DAB2: variants seen among roughly 807,000 people sequenced by gnomAD.
DAB2 encodes disabled homolog 2.
Under a neutral mutation model 71.6 loss-of-function variants are expected in DAB2, and 28 were observed. The ratio of observed to expected loss-of-function variants is 0.39; its 90% confidence interval spans 0.29 to 0.54. The LOEUF is 0.54. Among genes scored for constraint, DAB2 ranks in the 20% least tolerant of loss-of-function variants. DAB2 has a pLI of 0.68. For synonymous variants in DAB2, 345 were observed against 339.7 expected (o/e 1.02, Z -0.17); for missense variants, 867 against 928.8 (o/e 0.93, Z 0.86).
chr5:39,380,677 A>G (rs1008544445), intron 11 of DAB2, among the ~76,000 whole-genome samples: 4 of 152,224 alleles, frequency 2.6e-5, no homozygotes, highest in East Asian at 1.9e-4. Context: ...GGACTTTCCC[A>G]CTGTCCTACC....
rs1217644624 is a variant in DAB2 at position 39,393,210 on chromosome 5, G to T, written c.231+44C>A. 4 of 1,589,954 alleles carry T rather than the reference G, an allele frequency of 2.5e-6. No homozygotes were observed. In the East Asian group the frequency reaches 6.7e-5, roughly 27 times the overall value. ...GCTTCTAATATAATTCCCTCTCTTG[G>T]ACTTTTGCTTAATATACAGATAAAG... is the stretch of plus-strand genomic sequence containing the variant. On this transcript the variant is annotated intron_variant, in intron 3 of 14. Coordinates refer to ENST00000320816, the MANE Select transcript of DAB2 (RefSeq NM_001343.4).
chr5:39,373,480 T>G (rs2112015003), intron 14 of DAB2, 55 bp from the exon 15 acceptor site: 1 of 152,484 alleles, frequency 6.6e-6, no homozygotes, highest in African/African-American at 2.4e-5. Context: ...GAACTGAATA[T>G]CAATGTATTA....
rs1755005836 is a variant in DAB2, at chr5:39,382,675, T to C, written c.1284A>G (p.Ile428Met). Reference protein sequence around the residue: ...SSVQSSPHDSIAIIPPPQSTK... With the variant: ...SSVQSSPHDSMAIIPPPQSTK... ...TACTTTGTGGAGGTGGGATAATGGC[T>C]ATGGAGTCATGTGGTGAGGACTGGA... Residue 428 changes from isoleucine to methionine, a missense_variant, in exon 10 of 15, where the codon ATA becomes ATG. Ile to Met is a conservative substitution (Grantham distance 10). Around this residue, in one of 2 missense-constraint regions of DAB2, gnomAD observed 740 missense variants for 734.3 expected, o/e 1.01. Coordinates refer to ENST00000320816, the MANE Select transcript of DAB2 (RefSeq NM_001343.4). 5.0e-6 allele frequency: 8 copies of C among 1,614,172 alleles called. No individual in the cohort carries two copies. Among genetic ancestry groups the C allele is most frequent in the Non-Finnish European group, 6.8e-6 (8 of 1,180,012 alleles).
At position 39,376,556 on chromosome 5, in the gene DAB2, C is replaced by A. The variant is rs146056444; in HGVS notation, c.2137+94G>T. ...ACAGAAGCAAGAGCAAAGCTGTTGG[C>A]GGGTGGGAGAGGGTTCATTTGGGGA... On this transcript the variant is annotated intron_variant, in intron 12 of 14. Transcript: ENST00000320816. 5 of 1,411,016 alleles carry A rather than the reference C, an allele frequency of 3.5e-6. No individual in the cohort carries two copies. The Middle Eastern group carries it at 6.7e-4, about 188-fold the overall frequency. 87.4% of individuals were successfully genotyped at this position (1,411,016 alleles called of 1,614,324 possible).
At position 39,376,790 on chromosome 5, in the gene DAB2, A is replaced by G; in HGVS notation, c.1997T>C (p.Val666Ala). 1 of 1,614,122 alleles carries G rather than the reference A, an allele frequency of 6.2e-7. No homozygotes were observed. Among genetic ancestry groups the G allele is most frequent in the East Asian group, 2.2e-5 (1 of 44,868 alleles). Reference protein sequence around the residue: ...KDFQLRQPPAVPARKGEQTSS... With the variant: ...KDFQLRQPPAAPARKGEQTSS... Reference sequence around the variant, plus strand: ...AGTCTGCTCTCCCTTCCGCGCGGGCACAGCAGGTGGCTGCCGCAGTTGGAA... The same window carrying G: ...AGTCTGCTCTCCCTTCCGCGCGGGCGCAGCAGGTGGCTGCCGCAGTTGGAA... The change falls in exon 12 of 15, where the codon GTG becomes GCG. Residue 666 changes from valine to alanine, a missense_variant. Physicochemically the swap from Val to Ala is moderately conservative, Grantham distance 64. Coordinates refer to ENST00000320816, the MANE Select transcript of DAB2 (RefSeq NM_001343.4).
chr5:39,376,664 A>C lies in DAB2; in HGVS notation c.2123T>G (p.Leu708Trp), dbSNP rs200879578. 4.3e-6 allele frequency: 7 copies of C among 1,613,942 alleles called. No homozygotes were observed. In the Admixed American group the frequency reaches 1.0e-4, roughly 23 times the overall value. ...DHDDFDANQL[L>W]NKINEPPKPA... ...GAGTGGCTTACCATTGATCTTGTTCAATAGTTGATTAGCATCAAAGTCATC... is the reference window on the plus strand; with the variant it reads ...GAGTGGCTTACCATTGATCTTGTTCCATAGTTGATTAGCATCAAAGTCATC... The change falls in exon 12 of 15, where the codon TTG (leucine) becomes TGG (tryptophan). Residue 708 changes from leucine to tryptophan, a missense_variant. Coordinates refer to ENST00000320816, the MANE Select transcript of DAB2 (RefSeq NM_001343.4).
intron 1 of DAB2, chr5:39,408,837 C>T (rs1364601485): frequency 2.6e-5 from 4 of 152,052 alleles, no homozygotes; most frequent in African/African-American, 9.7e-5. Context: ...AGTTTGTTTC[C>T]TAGAATATAC....
chr5:39,424,510 CA>C (rs1756059507), intron 1 of DAB2, among the ~76,000 whole-genome samples: 1 of 140,424 alleles, frequency 7.1e-6, no homozygotes, highest in Admixed American at 7.3e-5. Context: ...CACACACACA[CA>C]CACACACACA....
At chr5:39,387,304 AT>A (rs1292090995) in intron 9 of DAB2, among the ~76,000 whole-genome samples, 1 of 152,008 alleles carries the variant, frequency 6.6e-6, no homozygotes, top group Non-Finnish European at 1.5e-5. Context: ...CTTTCTAGAC[AT>A]TTCCCCCCAT....
chr5:39,404,821 C>T (rs1755578137), intron 1 of DAB2, among the ~76,000 whole-genome samples: 2 of 152,184 alleles, frequency 1.3e-5, no homozygotes, highest in Admixed American at 6.5e-5. Flanking sequence ...TTAGGCAATC[C>T]ACCCGCCTCG....
chr5:39,390,292 A>C, intron 5 of DAB2, 152 bp downstream of exon 5: 1 of 995,388 alleles, frequency 1.0e-6, no homozygotes, highest in Non-Finnish European at 1.5e-6. Context: ...TTTTTAAAAG[A>C]TTCCATAGGC....
At chr5:39,391,391 A>C (rs967516581) in intron 4 of DAB2, among the ~76,000 whole-genome samples, 1 of 152,180 alleles carries the variant, frequency 6.6e-6, no homozygotes, top group African/African-American at 2.4e-5. Flanking sequence ...TGAGAGAAAC[A>C]TGCCACCTTT....
intron 1 of DAB2, among the ~76,000 whole-genome samples, chr5:39,423,283 C>G (rs193300459): frequency 0.033 from 60 of 1,836 alleles, no homozygotes; most frequent in Middle Eastern, 0.25. Flanking sequence ...TCCACATTGG[C>G]AAAGACCACT....
chr5:39,421,180 C>T (rs1053546298), intron 1 of DAB2, among the ~76,000 whole-genome samples: 27 of 152,206 alleles, frequency 1.8e-4, no homozygotes, highest in African/African-American at 6.5e-4. Flanking sequence ...AGCAAACGCA[C>T]TGGCTTTATT....
rs376702968 is a variant in DAB2, at chr5:39,378,771, G to A, written c.1505-1489C>T. Among the ~76,000 whole-genome samples the A allele has an allele frequency of 2.6e-4, 40 of 152,294 alleles. No homozygotes were observed. In the East Asian group the frequency reaches 5.2e-3, roughly 20 times the overall value. On this transcript the variant is annotated intron_variant, in intron 11 of 14. Transcript: ENST00000320816. ...AATCAGGCACACTGGCTCTAAATCC[G>A]GCACCCCATTCTCCTGTTCTGCTTC...
At chr5:39,415,987 T>A (rs1755836088) in intron 1 of DAB2, among the ~76,000 whole-genome samples, 2 of 152,128 alleles carry the variant, frequency 1.3e-5, no homozygotes, top group Non-Finnish European at 2.9e-5. Flanking sequence ...GTTTAATGAA[T>A]GAGTCAAACC....
In DAB2 at chr5:39,380,481, G is replaced by A. The variant is rs982748480; in HGVS notation, c.1504+973C>T. Among the ~76,000 whole-genome samples the A allele has an allele frequency of 6.6e-5, 10 of 152,128 alleles. 1 individual carries two copies. The East Asian group carries it at 7.7e-4, about 12-fold the overall frequency. Reference sequence around the variant, plus strand: ...CCGAAGGAGAGGAGAGTCCTTCCTCGTCTACAGTCCTCCACCTCCCAAGCC... The same window carrying A: ...CCGAAGGAGAGGAGAGTCCTTCCTCATCTACAGTCCTCCACCTCCCAAGCC... On this transcript the variant is annotated intron_variant, in intron 11 of 14. Transcript: ENST00000320816.
chr5:39,407,282 C>G (rs370430681), intron 1 of DAB2, among the ~76,000 whole-genome samples: 1 of 152,172 alleles, frequency 6.6e-6, no homozygotes, highest in Non-Finnish European at 1.5e-5. Flanking sequence ...TGCAGAGGCG[C>G]GATCTCAGCT....
chr5:39,374,920 T>G, intron 14 of DAB2, 94 bp downstream of exon 14: 1 of 813,650 alleles, frequency 1.2e-6, no homozygotes, highest in Non-Finnish European at 2.1e-6. Flanking sequence ...ATTTACCCTC[T>G]TCCCAATTCT....
Sources: gnomAD v4.1 joint callset for allele counts (sites outside exome capture counted in the v4.1 genomes callset) on GRCh38, gnomAD v4.1.1 for gene constraint, gnomAD v4.1.1 regional missense constraint, MANE v1.5 for transcripts, NCBI Gene and HGNC (gene_info 2026-07-23, HGNC 2026-07-21) for gene names.